RALY: variants seen among roughly 807,000 people sequenced by gnomAD.
The protein encoded by RALY is RALY heterogeneous nuclear ribonucleoprotein.
Under a neutral mutation model 30.7 loss-of-function variants are expected in RALY, and 15 were observed. The observed-to-expected ratio is 0.49, with a 90% CI of 0.33 to 0.75. The LOEUF (loss-of-function observed/expected upper bound fraction) is 0.75, where lower values mean the gene tolerates loss of function less well. Among genes scored for constraint, RALY ranks in the 30% least tolerant of loss-of-function variants. The probability of loss-of-function intolerance (pLI) is 0.02; values close to 1 mark genes in which losing one functional copy is unlikely to be tolerated. For missense variants in RALY, 339 were observed against 414.3 expected (o/e 0.82, Z 1.58); for synonymous variants, 177 against 170.8 (o/e 1.04, Z -0.28).
chr20:34,020,017 C>T (rs1030443222), intron 1 of RALY, among the ~76,000 whole-genome samples: 7 of 151,900 alleles, frequency 4.6e-5, no homozygotes, highest in Non-Finnish European at 8.8e-5. Context: ...GCCGAGATCC[C>T]GCCACTGCAT....
intron 1 of RALY, among the ~76,000 whole-genome samples, chr20:34,025,899 G>GT (rs35827160): frequency 0.083 from 6,335 of 76,190 alleles, 338 homozygotes; most frequent in East Asian, 0.18. Context: ...ATTCCTGGTT[G>GT]TTTTTTTTTT....
At chr20:34,024,139 C>T (rs988919116) in intron 1 of RALY, among the ~76,000 whole-genome samples, 47 of 152,098 alleles carry the variant, frequency 3.1e-4, no homozygotes, top group Non-Finnish European at 1.2e-4. Context: ...TCTTACCTCC[C>T]TTTTTATAAA....
intron 2 of RALY, among the ~76,000 whole-genome samples, chr20:34,061,600 C>G (rs993870773): frequency 4.6e-5 from 7 of 152,138 alleles, no homozygotes; most frequent in African/African-American, 1.7e-4. Flanking sequence ...TGAAAAATAA[C>G]CTAAGTCTTT....
At chr20:34,008,351 G>A (rs2031254692) in intron 1 of RALY, among the ~76,000 whole-genome samples, 1 of 152,158 alleles carries the variant, frequency 6.6e-6, no homozygotes, top group South Asian at 2.1e-4. Context: ...CATCAGGGGA[G>A]AACATATATT....
At chr20:34,030,360 A>G (rs940262043) in intron 1 of RALY, among the ~76,000 whole-genome samples, 1 of 152,336 alleles carries the variant, frequency 6.6e-6, no homozygotes, top group Middle Eastern at 3.4e-3. Context: ...GTTAATACAA[A>G]TAAAAGGTTT....
chr20:34,061,236 G>A (rs569139973), intron 2 of RALY, among the ~76,000 whole-genome samples: 30 of 152,260 alleles, frequency 2.0e-4, no homozygotes, highest in South Asian at 1.7e-3. Flanking sequence ...GTAGCATGAC[G>A]TAGAGCAGAG....
At chr20:33,998,720 C>T (rs1397065381) in intron 1 of RALY, among the ~76,000 whole-genome samples, 1 of 152,088 alleles carries the variant, frequency 6.6e-6, no homozygotes, top group Non-Finnish European at 1.5e-5. Flanking sequence ...TGTTCAGGAG[C>T]GGACTGGAGA....
intron 1 of RALY, among the ~76,000 whole-genome samples, chr20:34,010,916 T>C (rs1054918930): frequency 6.6e-6 from 1 of 151,998 alleles, no homozygotes; most frequent in Non-Finnish European, 1.5e-5. Flanking sequence ...TTTCATTATA[T>C]CTCGGCTGAA....
chr20:34,007,578 G>C (rs1223621451), intron 1 of RALY, among the ~76,000 whole-genome samples: 3 of 151,690 alleles, frequency 2.0e-5, no homozygotes, highest in African/African-American at 7.3e-5. Flanking sequence ...CCAGCACTTC[G>C]GGAGGCCAAG....
chr20:34,022,409 A>AG (rs1467956460), intron 1 of RALY, among the ~76,000 whole-genome samples: 1 of 152,004 alleles, frequency 6.6e-6, no homozygotes, highest in African/African-American at 2.4e-5. Flanking sequence ...TTGTGGGTGG[A>AG]GGGGCTTATG....
At chr20:34,068,784 T>C (rs928272859) in intron 2 of RALY, among the ~76,000 whole-genome samples, 3 of 152,164 alleles carry the variant, frequency 2.0e-5, no homozygotes, top group Non-Finnish European at 4.4e-5. Flanking sequence ...TTCATTCCCT[T>C]TCCCACCTCT....
intron 2 of RALY, among the ~76,000 whole-genome samples, chr20:34,058,869 T>G (rs1420562209): frequency 6.6e-6 from 1 of 152,196 alleles, no homozygotes; most frequent in Non-Finnish European, 1.5e-5. Flanking sequence ...GATTTGAACT[T>G]GATTCTTTAT....
At chr20:34,075,448 C>T (rs1037592922) in intron 5 of RALY, among the ~76,000 whole-genome samples, 6 of 152,020 alleles carry the variant, frequency 3.9e-5, no homozygotes, top group African/African-American at 1.4e-4. Flanking sequence ...TTGACCCCCA[C>T]TCCCATACCT....
intron 1 of RALY, among the ~76,000 whole-genome samples, chr20:34,012,310 A>G (rs909299869): frequency 9.9e-5 from 15 of 152,078 alleles, no homozygotes; most frequent in South Asian, 2.1e-4. Flanking sequence ...TCTTGGTGCA[A>G]AGGGTCTATT....
chr20:34,016,718 C>T (rs969079168), intron 1 of RALY: 7 of 152,242 alleles, frequency 4.6e-5, no homozygotes, highest in Admixed American at 4.6e-4. Context: ...CCTTTCAGTT[C>T]TAAAATTTCA....
chr20:34,069,617 A>G (rs746237828), intron 2 of RALY, among the ~76,000 whole-genome samples: 46 of 152,212 alleles, frequency 3.0e-4, no homozygotes, highest in Non-Finnish European at 5.0e-4. Flanking sequence ...TGGATAGACA[A>G]GGAATTAACC....
chr20:34,046,626 T>C (rs2032889288), intron 2 of RALY, among the ~76,000 whole-genome samples: 2 of 152,180 alleles, frequency 1.3e-5, no homozygotes, highest in Non-Finnish European at 1.5e-5. Context: ...CCACTGCAAG[T>C]GATTCCATAG....
intron 1 of RALY, among the ~76,000 whole-genome samples, chr20:34,022,087 T>C (rs1444314682): frequency 1.3e-5 from 2 of 148,960 alleles, no homozygotes; most frequent in Admixed American, 6.7e-5. Context: ...TCTTTCTTTC[T>C]TTCTTTCTTT....
intron 2 of RALY, among the ~76,000 whole-genome samples, chr20:34,062,853 A>G (rs1181674517): frequency 6.6e-6 from 1 of 152,236 alleles, no homozygotes; most frequent in Non-Finnish European, 1.5e-5. Context: ...CCAACTCTTA[A>G]GGCATAGGAA....
Sources: allele counts gnomAD v4.1 joint callset (sites outside exome capture counted in the v4.1 genomes callset), GRCh38; gene constraint gnomAD v4.1.1; transcripts MANE v1.5; gene names NCBI Gene and HGNC (gene_info 2026-07-23, HGNC 2026-07-21).